The following CYP3A43 variants were observed in gnomAD, a reference collection of about 807,000 sequenced individuals.
CYP3A43 encodes the protein cytochrome P450 3A43.
A neutral mutation model predicts 58.0 loss-of-function variants in CYP3A43; 45 were observed. That is an observed-to-expected ratio of 0.78 (90% confidence interval 0.61 to 0.99). The LOEUF is 0.99. Among genes scored for constraint, CYP3A43 ranks in the 50% least tolerant of loss-of-function variants. The probability of loss-of-function intolerance (pLI) is 0.00; values close to 1 mark genes in which losing one functional copy is unlikely to be tolerated. For synonymous variants in CYP3A43, 191 were observed against 201.4 expected, an observed-to-expected ratio of 0.95 and a Z score of 0.44; for missense variants, 593 against 591.9, an observed-to-expected ratio of 1.00 and a Z score of -0.02.
At chr7:99,845,019 A>G (rs1024061427) in intron 4 of CYP3A43, among the ~76,000 whole-genome samples, 21 of 151,830 alleles carry the variant, frequency 1.4e-4, no homozygotes, top group African/African-American at 4.6e-4. Context: ...CAGTGAGCCA[A>G]GATTGCGCCA....
intron 4 of CYP3A43, among the ~76,000 whole-genome samples, chr7:99,845,631 G>C (rs1196369164): frequency 6.6e-6 from 1 of 151,674 alleles, no homozygotes; most frequent in Non-Finnish European, 1.5e-5. Flanking sequence ...CTGCGCATCT[G>C]TTTCTCATTC....
intron 3 of CYP3A43, among the ~76,000 whole-genome samples, chr7:99,842,540 C>T (rs1395800449): frequency 3.3e-5 from 5 of 151,978 alleles, no homozygotes; most frequent in Non-Finnish European, 7.4e-5. Flanking sequence ...ACTTTGTTTA[C>T]GGTATCTTTT....
At chr7:99,844,936 G>A (rs1817484052) in intron 4 of CYP3A43, among the ~76,000 whole-genome samples, 2 of 152,080 alleles carry the variant, frequency 1.3e-5, no homozygotes, top group Admixed American at 6.6e-5. Context: ...AGGCATGGTG[G>A]TGGGCACCTG....
intron 1 of CYP3A43, among the ~76,000 whole-genome samples, chr7:99,828,591 G>A (rs972413940): frequency 3.3e-5 from 5 of 152,102 alleles, no homozygotes; most frequent in African/African-American, 1.2e-4. Context: ...AACCCAGGAG[G>A]CAGAGGTTTC....
In CYP3A43 at chr7:99,861,850, C is replaced by G; in HGVS notation, c.1253+11C>G. On this transcript the variant is annotated intron_variant, in intron 11 of 12. Coordinates refer to ENST00000354829, the MANE Select transcript of CYP3A43 (RefSeq NM_057095.3). The stretch of plus-strand genomic sequence containing the variant: ...GTTCTGCCCTGAAAGGTACAAGGCC[C>G]CTGGGAAAGGAGCCTTCCCTCAACC... The G allele has an allele frequency of 6.3e-7, 1 of 1,594,622 alleles. No homozygotes were observed. Among genetic ancestry groups the G allele is most frequent in the Non-Finnish European group, 8.6e-7 (1 of 1,165,330 alleles).
intron 7 of CYP3A43, among the ~76,000 whole-genome samples, chr7:99,855,010 G>A (rs775606611): frequency 6.6e-6 from 1 of 151,822 alleles, no homozygotes; most frequent in Non-Finnish European, 1.5e-5. Context: ...TGGGTCCCAA[G>A]TAGCTGGGAC....
chr7:99,855,492 C>G lies in CYP3A43; in HGVS notation c.671-99C>G. The G allele has an allele frequency of 3.6e-6, 5 of 1,402,630 alleles. No homozygotes were observed. The South Asian group carries it at 4.2e-5, about 12-fold the overall frequency. The allele number at this position is 1,402,630 out of a possible 1,614,324, so 86.9% of individuals were successfully genotyped here. On this transcript the variant is annotated intron_variant, in intron 7 of 12. Transcript: ENST00000354829. The stretch of plus-strand genomic sequence containing the variant: ...CAGGAAATGGATCCTGGTTGAGAAC[C>G]CTGAAGTCTATAGGTAGAGAAAATT...
chr7:99,864,241 G>T (rs1462813353), intron 12 of CYP3A43, among the ~76,000 whole-genome samples: 1 of 148,712 alleles, frequency 6.7e-6, no homozygotes, highest in Non-Finnish European at 1.5e-5. Context: ...TGGTCCTCAT[G>T]TGAAGCCAAT....
At chr7:99,839,297 G>A in intron 3 of CYP3A43, 125 bp downstream of exon 3, 1 of 1,144,768 alleles carries the variant, frequency 8.7e-7, no homozygotes, top group Non-Finnish European at 1.3e-6. Context: ...GTAACAAACA[G>A]AGAGAGGCTA....
intron 9 of CYP3A43, 65 bp from the exon 10 acceptor site, chr7:99,859,765 C>G: frequency 1.3e-6 from 2 of 1,587,546 alleles, no homozygotes; most frequent in East Asian, 2.2e-5. Flanking sequence ...TGGAATTTTG[C>G]TTCATCTAAA....
At chr7:99,844,618 G>T (rs567483715) in intron 4 of CYP3A43, among the ~76,000 whole-genome samples, 17 of 152,292 alleles carry the variant, frequency 1.1e-4, no homozygotes, top group African/African-American at 3.8e-4. Flanking sequence ...ACTATGTGTA[G>T]CTTGTCTTTT....
intron 4 of CYP3A43, among the ~76,000 whole-genome samples, chr7:99,845,166 A>G (rs2151603709): frequency 6.6e-6 from 1 of 152,018 alleles, no homozygotes. Flanking sequence ...CATAAGATGT[A>G]AAGTTTAGGT....
rs779003909 is a variant in CYP3A43, at chr7:99,863,577, T to C, written c.1294T>C (p.Tyr432His). 1.9e-6 allele frequency: 3 copies of C among 1,613,884 alleles called. No homozygotes were observed. Among genetic ancestry groups the C allele is most frequent in the Middle Eastern group, 1.6e-4 (1 of 6,062 alleles). The change falls in exon 12 of 13, where the codon TAC (tyrosine) becomes CAC (histidine). Residue 432 changes from tyrosine to histidine, a missense_variant. Physicochemically the swap from Tyr to His is moderately conservative, Grantham distance 83 (BLOSUM62 2). Transcript: ENST00000354829. ...CAAGGACAGCATAGATCTTTACAGA[T>C]ACATACCTTTTGGAGCTGGACCCCG... ...KNKDSIDLYR[Y>H]IPFGAGPRNC...
chr7:99,866,057 A>C lies in CYP3A43; in HGVS notation c.*56A>C, dbSNP rs1288579629. The C allele has an allele frequency of 9.1e-7, 1 of 1,099,970 alleles. No individual in the cohort carries two copies. Among genetic ancestry groups the C allele is most frequent in the Non-Finnish European group, 1.3e-6 (1 of 759,462 alleles). 68.1% of individuals were successfully genotyped at this position (1,099,970 alleles called of 1,614,324 possible). ...AAAGCTGTATCCCAGAACACTAGAC[A>C]CTTCAAATTGTTTTGTGAATAAAAC... On this transcript the variant is annotated 3_prime_UTR_variant, in exon 13 of 13. Coordinates refer to ENST00000354829, the MANE Select transcript of CYP3A43 (RefSeq NM_057095.3).
chr7:99,857,805 T>C (rs1818045379), intron 9 of CYP3A43, among the ~76,000 whole-genome samples: 1 of 152,150 alleles, frequency 6.6e-6, no homozygotes, highest in Non-Finnish European at 1.5e-5. Flanking sequence ...ATCACACTAC[T>C]GCACTCCAGC....
At chr7:99,850,210 C>T (rs184610470) in intron 7 of CYP3A43, 78 of 255,686 alleles carry the variant, frequency 3.1e-4, no homozygotes, top group Admixed American at 1.6e-3. Flanking sequence ...CCTCCTCAGC[C>T]TCCCAAAGTG....
chr7:99,841,563 A>G (rs1204683424), intron 3 of CYP3A43, among the ~76,000 whole-genome samples: 2 of 151,998 alleles, frequency 1.3e-5, no homozygotes, highest in East Asian at 1.9e-4. Flanking sequence ...ATGCCCAGCT[A>G]ATTTTTGTAT....
At position 99,849,531 on chromosome 7, in the gene CYP3A43, T is replaced by C; in HGVS notation, c.522-15T>C. 5 of 1,580,830 alleles carry C rather than the reference T, an allele frequency of 3.2e-6. No individual in the cohort carries two copies. Among genetic ancestry groups the C allele is most frequent in the Non-Finnish European group, 4.3e-6 (5 of 1,170,666 alleles). On this transcript the variant is annotated splice_polypyrimidine_tract_variant and intron_variant, in intron 6 of 12. Transcript: ENST00000354829. ...GAGGTGCTGGTTTTAATTTTCCATGTTTTACTCTACTCAGTTTCTTTGGGG... is the reference window on the plus strand; with the variant it reads ...GAGGTGCTGGTTTTAATTTTCCATGCTTTACTCTACTCAGTTTCTTTGGGG...
intron 10 of CYP3A43, among the ~76,000 whole-genome samples, chr7:99,860,683 G>A (rs1818192466): frequency 6.6e-6 from 1 of 152,202 alleles, no homozygotes; most frequent in East Asian, 1.9e-4. Context: ...CAGGCCTGAA[G>A]GAACAAGTGG....
Sources: gnomAD v4.1 joint callset for allele counts (sites outside exome capture counted in the v4.1 genomes callset) on GRCh38, gnomAD v4.1.1 for gene constraint, MANE v1.5 for transcripts, NCBI Gene and HGNC (gene_info 2026-07-23, HGNC 2026-07-21) for gene names.